The following NARS2 variants were observed in gnomAD, a reference collection of about 807,000 sequenced individuals.
NARS2 encodes asparaginyl-tRNA synthetase.
In NARS2, 60 loss-of-function variants were observed where a neutral mutation model predicts 62.9. That is an observed-to-expected ratio of 0.95 (90% CI 0.77 to 1.18). The LOEUF (loss-of-function observed/expected upper bound fraction) is 1.18, where lower values mean the gene tolerates loss of function less well. Among genes scored for constraint, NARS2 ranks in the 50% most tolerant of loss-of-function variants. The pLI is 0.00. For synonymous variants in NARS2, 196 were observed against 200.0 expected, an observed-to-expected ratio of 0.98 and a Z score of 0.17; for missense variants, 619 against 576.4, an observed-to-expected ratio of 1.07 and a Z score of -0.76.
At chr11:78,534,403 C>G (rs999061282) in intron 5 of NARS2, among the ~76,000 whole-genome samples, 22 of 152,164 alleles carry the variant, frequency 1.4e-4, no homozygotes, top group Non-Finnish European at 2.5e-4. Context: ...ACACTACTAC[C>G]TTCAGCCATT....
chr11:78,444,389 T>TA (rs933228585), intron 11 of NARS2, among the ~76,000 whole-genome samples: 1 of 151,942 alleles, frequency 6.6e-6, no homozygotes, highest in East Asian at 1.9e-4. Flanking sequence ...AGTATAAAAT[T>TA]AAAAAAACAA....
chr11:78,444,873 G>T (rs1359729665), intron 11 of NARS2, among the ~76,000 whole-genome samples: 8 of 152,084 alleles, frequency 5.3e-5, no homozygotes, highest in Admixed American at 5.2e-4. Context: ...TTTCTGGTCA[G>T]CAATTTGGCA....
At chr11:78,441,283 G>A (rs1857570303) in intron 12 of NARS2, among the ~76,000 whole-genome samples, 166 bp from the exon 13 acceptor site, 1 of 152,154 alleles carries the variant, frequency 6.6e-6, no homozygotes, top group South Asian at 2.1e-4. Flanking sequence ...AAACCATACA[G>A]TAACTTAACC....
At chr11:78,548,766 C>T (rs1855974572) in intron 5 of NARS2, among the ~76,000 whole-genome samples, 1 of 152,080 alleles carries the variant, frequency 6.6e-6, no homozygotes. Flanking sequence ...AGACCCATTC[C>T]TCAGTGAAAT....
At chr11:78,514,752 A>G (rs1320239590) in intron 6 of NARS2, among the ~76,000 whole-genome samples, 3 of 152,222 alleles carry the variant, frequency 2.0e-5, no homozygotes, top group African/African-American at 7.2e-5. Context: ...AGAAACGGGT[A>G]GAGAATCCAG....
At chr11:78,488,233 G>T (rs917260324) in intron 7 of NARS2, among the ~76,000 whole-genome samples, 8 of 106,186 alleles carry the variant, frequency 7.5e-5, no homozygotes, top group African/African-American at 4.0e-4. Flanking sequence ...AGCCTACCTG[G>T]TAAAAAAAAA....
chr11:78,523,191 C>T (rs1458087105), intron 6 of NARS2, among the ~76,000 whole-genome samples: 3 of 152,146 alleles, frequency 2.0e-5, no homozygotes, highest in African/African-American at 7.2e-5. Flanking sequence ...ACGCTCCACA[C>T]CTTTTCATGT....
intron 6 of NARS2, among the ~76,000 whole-genome samples, chr11:78,495,850 A>C (rs1860034507): frequency 6.6e-6 from 1 of 152,198 alleles, no homozygotes; most frequent in African/African-American, 2.4e-5. Context: ...ACATCTAAAT[A>C]AGTAAAATGA....
chr11:78,555,945 G>A lies in NARS2; in HGVS notation c.594+3594C>T, dbSNP rs116854223. 5.9e-3 allele frequency among the ~76,000 whole-genome samples: 901 copies of A among 152,096 alleles called. 6 individuals carry two copies. The highest frequency in any genetic ancestry group is 0.017 in the Middle Eastern group (5 of 294). On this transcript the variant is annotated intron_variant, in intron 5 of 13. Transcript: ENST00000281038. Reference sequence around the variant, plus strand: ...TCTTAAATTCATTATTTACCCAAAGGTTATTCAGGAGCATGTTGTTTAGTT... The same window carrying A: ...TCTTAAATTCATTATTTACCCAAAGATTATTCAGGAGCATGTTGTTTAGTT...
intron 7 of NARS2, among the ~76,000 whole-genome samples, chr11:78,492,588 G>A (rs1408315582): frequency 2.0e-5 from 3 of 152,036 alleles, no homozygotes; most frequent in African/African-American, 7.2e-5. Flanking sequence ...TAGCTCCTGT[G>A]GATGCTTTCT....
At chr11:78,439,897 C>A (rs1405952986) in intron 13 of NARS2, among the ~76,000 whole-genome samples, 1 of 151,920 alleles carries the variant, frequency 6.6e-6, no homozygotes, top group African/African-American at 2.4e-5. Context: ...TAAGGAAAAC[C>A]AAAACAACTT....
intron 6 of NARS2, among the ~76,000 whole-genome samples, chr11:78,519,182 C>A (rs1208249686): frequency 6.6e-6 from 1 of 152,190 alleles, no homozygotes; most frequent in African/African-American, 2.4e-5. Flanking sequence ...ACCACAGCCA[C>A]AAAACAGGGT....
intron 11 of NARS2, among the ~76,000 whole-genome samples, chr11:78,453,555 C>A (rs1858047880): frequency 6.6e-6 from 1 of 152,178 alleles, no homozygotes; most frequent in Non-Finnish European, 1.5e-5. Flanking sequence ...CCTTCCTCTG[C>A]CACCTCTCTT....
chr11:78,562,100 G>C (rs1324294383), intron 4 of NARS2, among the ~76,000 whole-genome samples: 1 of 152,058 alleles, frequency 6.6e-6, no homozygotes, highest in African/African-American at 2.4e-5. Context: ...CAAAGGCATA[G>C]CAATTTGGAG....
At chr11:78,552,325 A>G (rs1856158057) in intron 5 of NARS2, among the ~76,000 whole-genome samples, 1 of 152,116 alleles carries the variant, frequency 6.6e-6, no homozygotes, top group Non-Finnish European at 1.5e-5. Context: ...ACATGATCTC[A>G]TTCCTTTTTA....
intron 6 of NARS2, among the ~76,000 whole-genome samples, chr11:78,495,016 T>C (rs914601737): frequency 6.6e-6 from 1 of 152,166 alleles, no homozygotes; most frequent in African/African-American, 2.4e-5. Context: ...TCTCCACAGC[T>C]ATTGTCAGTG....
At chr11:78,547,639 A>G (rs182154365) in intron 5 of NARS2, among the ~76,000 whole-genome samples, 1 of 152,032 alleles carries the variant, frequency 6.6e-6, no homozygotes, top group East Asian at 1.9e-4. Flanking sequence ...GGAGTTTGAG[A>G]TCAGCCAAAA....
intron 4 of NARS2, 76 bp from the exon 5 acceptor site, chr11:78,559,695 T>A: frequency 1.0e-6 from 1 of 967,840 alleles, no homozygotes; most frequent in Non-Finnish European, 1.6e-6. Flanking sequence ...CTTATAGTAT[T>A]AAAATGGCAC....
At chr11:78,480,138 G>A (rs7107205) in intron 7 of NARS2, among the ~76,000 whole-genome samples, 4,687 of 152,154 alleles carry the variant, frequency 0.031, 226 homozygotes, top group African/African-American at 0.11. Flanking sequence ...AAGCTCAAGC[G>A]ATCCTCCCTT....
Sources: allele counts gnomAD v4.1 joint callset (sites outside exome capture counted in the v4.1 genomes callset), GRCh38; gene constraint gnomAD v4.1.1; transcripts MANE v1.5; gene names NCBI Gene and HGNC (gene_info 2026-07-23, HGNC 2026-07-21).